The following DCC variants were observed in gnomAD, a reference collection of about 807,000 sequenced individuals.
DCC encodes DCC netrin 1 receptor.
DCC carries 58 observed loss-of-function variants against 172.5 expected under a neutral mutation model. The ratio of observed to expected loss-of-function variants is 0.34; its 90% CI spans 0.27 to 0.42. The LOEUF (loss-of-function observed/expected upper bound fraction) is 0.42. Ranked by LOEUF, DCC falls within the 10% of genes least tolerant of loss-of-function variation. DCC has a pLI of 1.00. For missense variants in DCC, 1,740 were observed against 1,791.0 expected, an observed-to-expected ratio of 0.97 and a Z score of 0.51; for synonymous variants, 709 against 644.5, an observed-to-expected ratio of 1.10 and a Z score of -1.52.
Position 52,545,530 on chromosome 18 carries a change from T to C in DCC, c.91+204652T>C, listed in dbSNP as rs577555536. ...GGGAAAAAACAGGTAAAAGGTTCAG[T>C]ATCACCATGAGGGGGATTGGTCCAT... On this transcript the variant is annotated intron_variant, in intron 1 of 28. Transcript: ENST00000442544. 5.9e-5 allele frequency among the ~76,000 whole-genome samples: 9 copies of C among 152,320 alleles called. No homozygotes were observed. The South Asian group carries it at 1.9e-3, about 32-fold the overall frequency.
intron 7 of DCC, among the ~76,000 whole-genome samples, chr18:53,147,877 T>C (rs8087687): frequency 0.022 from 3,336 of 152,302 alleles, 124 homozygotes; most frequent in African/African-American, 0.075. Context: ...TCAAGTATGA[T>C]TGGAGCCATT....
chr18:52,434,972 G>A (rs1463700612), intron 1 of DCC, among the ~76,000 whole-genome samples: 1 of 152,044 alleles, frequency 6.6e-6, no homozygotes, highest in Non-Finnish European at 1.5e-5. Flanking sequence ...CCTTTCTTGC[G>A]AGTAATCATA....
At chr18:53,248,554 G>A (rs1180193267) in intron 12 of DCC, among the ~76,000 whole-genome samples, 3 of 152,008 alleles carry the variant, frequency 2.0e-5, no homozygotes, top group African/African-American at 4.8e-5. Context: ...CTTCTCCATA[G>A]GAGATAACCA....
chr18:52,966,516 G>A (rs138708600), intron 5 of DCC, among the ~76,000 whole-genome samples: 2,042 of 152,116 alleles, frequency 0.013, 60 homozygotes, highest in African/African-American at 0.047. Flanking sequence ...GCTGGCTTCT[G>A]GTGGAGGGAC....
At chr18:53,169,708 C>T (rs1180107716) in intron 8 of DCC, among the ~76,000 whole-genome samples, 1 of 152,054 alleles carries the variant, frequency 6.6e-6, no homozygotes, top group East Asian at 1.9e-4. Flanking sequence ...GGGTCCCTGC[C>T]GCTTCCACAG....
intron 7 of DCC, among the ~76,000 whole-genome samples, chr18:53,089,541 T>A (rs2042972153): frequency 6.6e-6 from 1 of 151,738 alleles, no homozygotes; most frequent in Non-Finnish European, 1.5e-5. Flanking sequence ...TAAAGATGAA[T>A]GTAATCCAGG....
chr18:53,518,699 A>T (rs1273650048), intron 27 of DCC, among the ~76,000 whole-genome samples: 1 of 152,112 alleles, frequency 6.6e-6, no homozygotes, highest in Non-Finnish European at 1.5e-5. Context: ...GTTGTATATC[A>T]GTGTAAGAAC....
intron 5 of DCC, among the ~76,000 whole-genome samples, chr18:53,025,145 A>G (rs1050531013): frequency 6.6e-6 from 1 of 152,120 alleles, no homozygotes; most frequent in African/African-American, 2.4e-5. Context: ...GGAAAGTTAT[A>G]AGCAATCAAA....
At chr18:52,712,102 A>G (rs1413488515) in intron 1 of DCC, among the ~76,000 whole-genome samples, 1 of 152,064 alleles carries the variant, frequency 6.6e-6, no homozygotes, top group Non-Finnish European at 1.5e-5. Flanking sequence ...CTGGGACTAC[A>G]GGCACACACC....
chr18:53,335,941 C>T (rs62098012), intron 14 of DCC, among the ~76,000 whole-genome samples: 45,149 of 151,950 alleles, frequency 0.3, 8,613 homozygotes, highest in Non-Finnish European at 0.44. Context: ...CTCATTATCA[C>T]GATAATAGCA....
chr18:53,023,398 GACCAAAAAAAAAAAAA>G lies in DCC; in HGVS notation c.986-39905_986-39890del, dbSNP rs1245461635. On this transcript the variant is annotated intron_variant, in intron 5 of 28. Coordinates refer to ENST00000442544, the MANE Select transcript of DCC (RefSeq NM_005215.4). ...AAAGGACAAACACATATATAACTCA[GACCAAAAAAAAAAAAA>G]AAAAAAAAAAAAAAAGATTCTTCTT... 5.8e-5 allele frequency among the ~76,000 whole-genome samples: 6 copies of G among 103,040 alleles called. No homozygotes were observed. In the Admixed American group the frequency reaches 5.9e-4, roughly 10 times the overall value. The allele number at this position is 103,040 out of a possible 152,430, so 67.6% of individuals were successfully genotyped here.
intron 1 of DCC, among the ~76,000 whole-genome samples, chr18:52,374,195 A>G (rs1401743552): frequency 6.6e-6 from 1 of 151,914 alleles, no homozygotes; most frequent in East Asian, 1.9e-4. Flanking sequence ...CTGGGCCTAT[A>G]TTTTTTAATC....
At chr18:52,675,194 G>T (rs537463439) in intron 1 of DCC, among the ~76,000 whole-genome samples, 1 of 152,202 alleles carries the variant, frequency 6.6e-6, no homozygotes, top group East Asian at 1.9e-4. Flanking sequence ...TAGTAGCTGG[G>T]ATTACAGGTG....
intron 6 of DCC, 91 bp from the exon 7 acceptor site, chr18:53,065,955 T>C: frequency 6.7e-7 from 1 of 1,497,218 alleles, no homozygotes. Context: ...TTCTGTGCTG[T>C]TTTATCAAAC....
At chr18:53,374,217 C>T (rs2058087680) in intron 15 of DCC, among the ~76,000 whole-genome samples, 1 of 152,114 alleles carries the variant, frequency 6.6e-6, no homozygotes, top group South Asian at 2.1e-4. Context: ...AAGTACTCAA[C>T]AGCCACATGT....
At chr18:52,827,892 T>C (rs908346751) in intron 2 of DCC, among the ~76,000 whole-genome samples, 3 of 152,156 alleles carry the variant, frequency 2.0e-5, no homozygotes, top group African/African-American at 7.2e-5. Flanking sequence ...AGCTGCATTA[T>C]CTCAAAGGAC....
intron 14 of DCC, among the ~76,000 whole-genome samples, chr18:53,324,326 C>T (rs1422960967): frequency 6.6e-6 from 1 of 152,140 alleles, no homozygotes; most frequent in East Asian, 1.9e-4. Flanking sequence ...GTTTATTCAA[C>T]TTACATTTCT....
chr18:52,680,569 C>T (rs1202219541), intron 1 of DCC, among the ~76,000 whole-genome samples: 3 of 152,076 alleles, frequency 2.0e-5, no homozygotes, highest in Admixed American at 2.0e-4. Context: ...AGATTAATAT[C>T]TTCTCCACCA....
intron 2 of DCC, among the ~76,000 whole-genome samples, chr18:52,869,951 G>T (rs932218114): frequency 5.3e-5 from 8 of 152,198 alleles, no homozygotes; most frequent in Admixed American, 5.2e-4. Flanking sequence ...GGAGGGCAGG[G>T]CTACAGCCCC....
Sources: allele counts gnomAD v4.1 joint callset (sites outside exome capture counted in the v4.1 genomes callset), GRCh38; gene constraint gnomAD v4.1.1; transcripts MANE v1.5; gene names NCBI Gene and HGNC (gene_info 2026-07-23, HGNC 2026-07-21).